The following FLT3LG variants were observed in gnomAD, a reference collection of about 807,000 sequenced individuals.
The protein encoded by FLT3LG is fms-related tyrosine kinase 3 ligand.
In FLT3LG, 8 loss-of-function variants were observed where a neutral mutation model predicts 30.9. The ratio of observed to expected loss-of-function variants is 0.26; its 90% confidence interval spans 0.15 to 0.47. The LOEUF (loss-of-function observed/expected upper bound fraction) is 0.47. Among genes scored for constraint, FLT3LG ranks in the 20% least tolerant of loss-of-function variants. FLT3LG has a pLI of 0.99. For synonymous variants in FLT3LG, 123 were observed against 135.9 expected (o/e 0.91, Z 0.66); for missense variants, 278 against 306.2 (o/e 0.91, Z 0.69).
At position 49,474,251 on chromosome 19, in the gene FLT3LG, G is replaced by A. The variant is rs933314996; in HGVS notation, c.-68G>A. The A allele has an allele frequency of 5.7e-5, 17 of 296,882 alleles. No homozygotes were observed. Among genetic ancestry groups the A allele is most frequent in the Admixed American group, 3.3e-4 (7 of 21,050 alleles). The allele number at this position is 296,882 out of a possible 1,614,324, so 18.4% of individuals were successfully genotyped here. ...CGGTCTCTGGCTGTCACCCGGCTTG[G>A]CCCCTTCCACACCCAACTGGGGCAA... On this transcript the variant is annotated 5_prime_UTR_variant, in exon 1 of 9. Coordinates refer to ENST00000597551, the MANE Select transcript of FLT3LG (RefSeq NM_001459.4).
chr19:49,481,365 GTGGGAGTT>G (rs1288026641), intron 8 of FLT3LG: 1 of 152,590 alleles, frequency 6.6e-6, no homozygotes, highest in Admixed American at 6.5e-5. Flanking sequence ...ATCTGTGGAT[GTGGGAGTT>G]TGCAAGCCTC....
chr19:49,479,100 C>T lies in FLT3LG; in HGVS notation c.481+53C>T, dbSNP rs956458829. 4 of 1,547,386 alleles carry T rather than the reference C, an allele frequency of 2.6e-6. No individual in the cohort carries two copies. In the African/African-American group the frequency reaches 5.5e-5, roughly 21 times the overall value. The stretch of plus-strand genomic sequence containing the variant: ...TTCCCCTCCTGTCCTCACGGCCGCT[C>T]CTCCTCTCTGCACAGTGCATCCCAG... On this transcript the variant is annotated intron_variant, in intron 6 of 8. Coordinates refer to ENST00000597551, the MANE Select transcript of FLT3LG (RefSeq NM_001459.4).
At chr19:49,481,871 T>G (rs183382087) in intron 8 of FLT3LG, 2,665 of 151,698 alleles carry the variant, frequency 0.018, 50 homozygotes, top group Non-Finnish European at 0.027. Context: ...TTTTGTATTT[T>G]TAGTAGAGAT....
intron 2 of FLT3LG, 102 bp downstream of exon 2, chr19:49,474,774 C>T (rs1193455546): frequency 9.4e-6 from 12 of 1,272,100 alleles, no homozygotes; most frequent in East Asian, 2.5e-5. Context: ...GGACAGATGA[C>T]GAGGAAATAG....
chr19:49,483,211 G>A lies in FLT3LG; in HGVS notation c.*21+2591G>A, dbSNP rs577836036. ...CGCGATCTCAGCTCACTGCAACCTCGGACTCCCTGGTTCAGGCGATTCTCC... is the reference window on the plus strand; with the variant it reads ...CGCGATCTCAGCTCACTGCAACCTCAGACTCCCTGGTTCAGGCGATTCTCC... On this transcript the variant is annotated intron_variant, in intron 8 of 8. Coordinates refer to ENST00000597551, the MANE Select transcript of FLT3LG (RefSeq NM_001459.4). Among the ~76,000 whole-genome samples the A allele has an allele frequency of 2.0e-5, 3 of 151,544 alleles. No individual in the cohort carries two copies. In the South Asian group the frequency reaches 6.3e-4, roughly 32 times the overall value.
At chr19:49,485,335 T>C (rs577730679) in intron 8 of FLT3LG, among the ~76,000 whole-genome samples, 2 of 146,742 alleles carry the variant, frequency 1.4e-5, no homozygotes, top group East Asian at 4.3e-4. Context: ...CCGCAACCTC[T>C]GCCTCCCAGG....
In FLT3LG at chr19:49,480,294, C is replaced by G; in HGVS notation, c.482-4C>G. 2 of 1,580,634 alleles carry G rather than the reference C, an allele frequency of 1.3e-6. No homozygotes were observed. Among genetic ancestry groups the G allele is most frequent in the Non-Finnish European group, 1.7e-6 (2 of 1,158,592 alleles). On this transcript the variant is annotated splice_region_variant and splice_polypyrimidine_tract_variant and intron_variant, in intron 6 of 8. Transcript: ENST00000597551. ...TGGTCACCCAGCCTCCTCTTTCTCC[C>G]CAGACTCCTCAACCCTGCCACCCCC...
At chr19:49,482,384 C>G (rs1438356847) in intron 8 of FLT3LG, 1 of 152,248 alleles carries the variant, frequency 6.6e-6, no homozygotes, top group East Asian at 1.9e-4. Flanking sequence ...CCTCAGCCTC[C>G]CAAAGTGCTG....
chr19:49,480,427 G>T lies in FLT3LG; in HGVS notation c.611G>T (p.Cys204Phe). ...CTCCTGCTGCTGGCCGCTGCCTGGT[G>T]CCTGCACTGGCAGAGGACGCGGCGG... ...VGLLLLAAAW[C>F]LHWQRTRRRT... Residue 204 changes from cysteine (C) to phenylalanine (F), a missense_variant, in exon 7 of 9, where the codon TGC becomes TTC. By Grantham distance (205) the Cys-to-Phe change is radical (BLOSUM62 -2). Around this residue, in one of 3 missense-constraint regions of FLT3LG, gnomAD observed 170 missense variants for 162.0 expected, o/e 1.05. Coordinates refer to ENST00000597551, the MANE Select transcript of FLT3LG (RefSeq NM_001459.4). 6.2e-7 allele frequency: 1 copy of T among 1,603,130 alleles called. No individual in the cohort carries two copies.
intron 8 of FLT3LG, among the ~76,000 whole-genome samples, chr19:49,485,248 C>CTT (rs55877586): frequency 7.4e-5 from 9 of 121,848 alleles, no homozygotes; most frequent in Non-Finnish European, 1.3e-4. Context: ...TCTTTTTTTT[C>CTT]TTTTTTTTTT....
At chr19:49,484,681 G>A (rs2122586944) in intron 8 of FLT3LG, among the ~76,000 whole-genome samples, 1 of 151,842 alleles carries the variant, frequency 6.6e-6, no homozygotes, top group East Asian at 2.0e-4. Flanking sequence ...ATTTTTAGTA[G>A]AGATGGGGTT....
intron 2 of FLT3LG, among the ~76,000 whole-genome samples, chr19:49,474,929 C>G (rs34221494): frequency 0.28 from 16,231 of 57,252 alleles, 2,781 homozygotes; most frequent in African/African-American, 0.69. Context: ...TGGACAGGAG[C>G]GGGGAGATGG....
intron 8 of FLT3LG, among the ~76,000 whole-genome samples, chr19:49,484,954 G>T (rs186669255): frequency 1.3e-5 from 2 of 151,998 alleles, no homozygotes; most frequent in Non-Finnish European, 2.9e-5. Context: ...GCATGGTGGC[G>T]TGCACCCGTA....
At position 49,480,402 on chromosome 19, in the gene FLT3LG, C is replaced by T. The variant is rs1032880663; in HGVS notation, c.586C>T (p.Leu196Phe). ...LLLLLLLPVG[L>F]LLLAAAWCLH... The stretch of plus-strand genomic sequence containing the variant: ...CCTCCTACTGCTGCTGCCCGTGGGC[C>T]TCCTGCTGCTGGCCGCTGCCTGGTG... The change falls in exon 7 of 9, where the codon CTC (leucine) becomes TTC (phenylalanine). Residue 196 changes from leucine to phenylalanine, a missense_variant. Leu to Phe is a conservative substitution (Grantham distance 22). Transcript: ENST00000597551. 3 of 1,608,692 alleles carry T rather than the reference C, an allele frequency of 1.9e-6. No homozygotes were observed. The highest frequency in any genetic ancestry group is 1.3e-5 in the African/African-American group (1 of 74,812).
At chr19:49,483,641 G>C (rs1387148214) in intron 8 of FLT3LG, among the ~76,000 whole-genome samples, 2 of 151,740 alleles carry the variant, frequency 1.3e-5, no homozygotes, top group East Asian at 4.0e-4. Flanking sequence ...AGGATTGCTT[G>C]AGCCCAGGAG....
In FLT3LG at chr19:49,478,914, C is replaced by G. The variant is rs374337774; in HGVS notation, c.348C>G (p.Pro116=). Residue 116 remains proline, a synonymous_variant, in exon 6 of 9, where the codon CCC becomes CCG. Transcript: ENST00000597551. The part of the protein sequence containing the change: ...HFVTKCAFQP[P]PSCLRFVQTN... ...TCTCCCTCCCCTGCTCCCAGCCCCC[C>G]CCCAGCTGTCTTCGCTTCGTCCAGA... 119 of 1,537,004 alleles carry G rather than the reference C, an allele frequency of 7.7e-5. 2 individuals carry two copies. Among genetic ancestry groups the G allele is most frequent in the South Asian group, 4.0e-4 (33 of 82,500 alleles).
At chr19:49,484,484 C>T (rs1034714728) in intron 8 of FLT3LG, among the ~76,000 whole-genome samples, 3 of 150,964 alleles carry the variant, frequency 2.0e-5, no homozygotes, top group Non-Finnish European at 4.4e-5. Context: ...TTAGTAGAGA[C>T]GGGGTTTCTT....
Position 49,480,283 on chromosome 19 carries a change from C to G in FLT3LG, c.482-15C>G. 1 of 1,557,834 alleles carries G rather than the reference C, an allele frequency of 6.4e-7. No individual in the cohort carries two copies. Among genetic ancestry groups the G allele is most frequent in the Non-Finnish European group, 8.7e-7 (1 of 1,145,364 alleles). On this transcript the variant is annotated splice_polypyrimidine_tract_variant and intron_variant, in intron 6 of 8. Transcript: ENST00000597551. ...GCCCTTCTCCTTGGTCACCCAGCCT[C>G]CTCTTTCTCCCCAGACTCCTCAACC...
chr19:49,476,843 G>T lies in FLT3LG; in HGVS notation c.342+277G>T. The T allele has an allele frequency of 4.8e-6, 2 of 414,182 alleles. No individual in the cohort carries two copies. Among genetic ancestry groups the T allele is most frequent in the Non-Finnish European group, 8.8e-6 (2 of 227,672 alleles). The allele number at this position is 414,182 out of a possible 1,614,324, so 25.7% of individuals were successfully genotyped here. On this transcript the variant is annotated intron_variant, in intron 5 of 8. Transcript: ENST00000597551. This position sits in a 1 kb window ranked among gnomAD's most constrained non-coding sequence, Gnocchi z 5.3. ...CTTCCCCCAAAAAAAAACAGGGAGA[G>T]AAGGGGTCTCTAAACTGAGGAGGCC...
Sources: gnomAD v4.1 joint callset for allele counts (sites outside exome capture counted in the v4.1 genomes callset) on GRCh38, gnomAD v4.1.1 for gene constraint, gnomAD v4.1.1 regional missense constraint, Gnocchi (gnomAD v3.1) non-coding constraint, MANE v1.5 for transcripts, NCBI Gene and HGNC (gene_info 2026-07-23, HGNC 2026-07-21) for gene names.